The following PDZRN4 variants were observed in gnomAD, a reference collection of about 807,000 sequenced individuals.
The protein encoded by PDZRN4 is PDZ domain containing ring finger 4.
A neutral mutation model predicts 99.0 loss-of-function variants in PDZRN4; 70 were observed. The observed-to-expected ratio is 0.71, with a 90% CI of 0.58 to 0.86. PDZRN4 has a LOEUF of 0.86. Among genes scored for constraint, PDZRN4 ranks in the 40% least tolerant of loss-of-function variants. The pLI is 0.00. For synonymous variants in PDZRN4, 551 were observed against 501.6 expected, an observed-to-expected ratio of 1.10 and a Z score of -1.32; for missense variants, 1,474 against 1,331.2, an observed-to-expected ratio of 1.11 and a Z score of -1.67.
chr12:41,532,237 A>G (rs970279266), intron 5 of PDZRN4, among the ~76,000 whole-genome samples: 1 of 152,180 alleles, frequency 6.6e-6, no homozygotes, highest in Non-Finnish European at 1.5e-5. Flanking sequence ...CTGTATATGT[A>G]TGAGTCCGTT....
chr12:41,397,535 T>C (rs1225051465), intron 3 of PDZRN4, among the ~76,000 whole-genome samples: 2 of 152,202 alleles, frequency 1.3e-5, no homozygotes, highest in African/African-American at 4.8e-5. Context: ...TTTTCCAGTC[T>C]TAATTAGAGT....
chr12:41,212,485 T>C (rs761160423), intron 3 of PDZRN4, among the ~76,000 whole-genome samples: 3 of 152,016 alleles, frequency 2.0e-5, no homozygotes, highest in Non-Finnish European at 4.4e-5. Context: ...AGAATACTTG[T>C]CTGGAATTAA....
chr12:41,557,117 C>T lies in PDZRN4; in HGVS notation c.1365+1357C>T, dbSNP rs981677716. 7.2e-5 allele frequency among the ~76,000 whole-genome samples: 10 copies of T among 139,794 alleles called. No homozygotes were observed. In the East Asian group the frequency reaches 2.1e-3, roughly 30 times the overall value. 91.7% of individuals were successfully genotyped at this position (139,794 alleles called of 152,430 possible). On this transcript the variant is annotated intron_variant, in intron 7 of 9. Transcript: ENST00000402685. ...AGTGAGCCGAGATGCCACCACTGTA[C>T]TCCAGCCTGGATGACAGAGTGAGAC...
rs1286984928 is a variant in PDZRN4 at position 41,572,391 on chromosome 12, A to T, written c.1612A>T (p.Thr538Ser). ...QPKKQEEEEG[T>S]TDTATSSSNN... The stretch of plus-strand genomic sequence containing the variant: ...AAAAAAGCAAGAAGAAGAAGAAGGC[A>T]CAACAGACACTGCAACATCCTCATC... Residue 538 changes from threonine to serine, a missense_variant, in exon 10 of 10, where the codon ACA (threonine) becomes TCA (serine). Thr to Ser is a moderately conservative substitution (Grantham distance 58). Transcript: ENST00000402685. 1.2e-6 allele frequency: 2 copies of T among 1,613,300 alleles called. No homozygotes were observed. Among genetic ancestry groups the T allele is most frequent in the South Asian group, 2.2e-5 (2 of 90,988 alleles).
At position 41,306,508 on chromosome 12, in the gene PDZRN4, G is replaced by A. The variant is rs114237527; in HGVS notation, c.843+112320G>A. On this transcript the variant is annotated intron_variant, in intron 3 of 9. Transcript: ENST00000402685. ...CTTCAGTTCTAGCTGGCAATGTTTC[G>A]ACTGGGGTGGGTGATTCGGTCCATA... Among the ~76,000 whole-genome samples the A allele has an allele frequency of 3.4e-3, 515 of 152,176 alleles. 6 individuals carry two copies. The highest frequency in any genetic ancestry group is 0.011 in the African/African-American group (470 of 41,510).
chr12:41,381,336 C>A (rs947915611), intron 3 of PDZRN4, among the ~76,000 whole-genome samples: 1 of 152,004 alleles, frequency 6.6e-6, no homozygotes, highest in African/African-American at 2.4e-5. Flanking sequence ...CTTTCTCTCT[C>A]TCTCTCTCCC....
intron 5 of PDZRN4, among the ~76,000 whole-genome samples, chr12:41,531,606 C>T (rs899139993): frequency 2.0e-5 from 3 of 152,156 alleles, no homozygotes; most frequent in East Asian, 3.9e-4. Context: ...CTGTTCCCAC[C>T]TAGGTCCGTG....
chr12:41,352,522 C>T (rs1951897699), intron 3 of PDZRN4, among the ~76,000 whole-genome samples: 1 of 151,980 alleles, frequency 6.6e-6, no homozygotes, highest in African/African-American at 2.4e-5. Flanking sequence ...TCTATGTATT[C>T]CAGAACTTCT....
chr12:41,206,160 A>G (rs1309904701), intron 3 of PDZRN4, among the ~76,000 whole-genome samples: 1 of 152,100 alleles, frequency 6.6e-6, no homozygotes, highest in African/African-American at 2.4e-5. Flanking sequence ...TGTTTTGTGG[A>G]CGTATGCATG....
Position 41,189,066 on chromosome 12 carries a change from G to C in PDZRN4, c.611G>C (p.Arg204Pro), listed in dbSNP as rs1274497956. 1.3e-6 allele frequency: 2 copies of C among 1,580,164 alleles called. No individual in the cohort carries two copies. The highest frequency in any genetic ancestry group is 1.3e-5 in the African/African-American group (1 of 74,676). ...TTCACCCAATACATGGCTCACGTCC[G>C]CAACTTCGTCGGCGACCTCGGTGGC... is the stretch of plus-strand genomic sequence containing the variant. ...EKFTQYMAHVRNFVGDLGGGH... is the reference protein window; with the variant it reads ...EKFTQYMAHVPNFVGDLGGGH... The change falls in exon 1 of 10, where the codon CGC (arginine) becomes CCC (proline). Residue 204 changes from arginine to proline, a missense_variant. Coordinates refer to ENST00000402685, the MANE Select transcript of PDZRN4 (RefSeq NM_001164595.2).
At chr12:41,321,278 C>T (rs1204603701) in intron 3 of PDZRN4, among the ~76,000 whole-genome samples, 1 of 152,174 alleles carries the variant, frequency 6.6e-6, no homozygotes, top group African/African-American at 2.4e-5. Context: ...CTGGACCACA[C>T]TGCCTCAATG....
At chr12:41,494,565 C>G (rs1340145501) in intron 3 of PDZRN4, among the ~76,000 whole-genome samples, 1 of 151,342 alleles carries the variant, frequency 6.6e-6, no homozygotes, top group Admixed American at 6.6e-5. Flanking sequence ...GCATCAGTTG[C>G]TATTTTAAAT....
intron 5 of PDZRN4, among the ~76,000 whole-genome samples, chr12:41,547,127 C>A (rs1222702793): frequency 6.6e-6 from 1 of 152,096 alleles, no homozygotes; most frequent in Non-Finnish European, 1.5e-5. Context: ...AAAGTAATTG[C>A]AATTTCCTCA....
At chr12:41,327,997 C>A (rs1431996139) in intron 3 of PDZRN4, among the ~76,000 whole-genome samples, 1 of 151,948 alleles carries the variant, frequency 6.6e-6, no homozygotes, top group African/African-American at 2.4e-5. Context: ...ATTAGCAAAA[C>A]TACACTAATG....
At chr12:41,299,572 C>G (rs1168371221) in intron 3 of PDZRN4, among the ~76,000 whole-genome samples, 1 of 151,934 alleles carries the variant, frequency 6.6e-6, no homozygotes, top group Non-Finnish European at 1.5e-5. Flanking sequence ...TGACACTGTT[C>G]AGAGACAAAA....
At chr12:41,226,144 C>T (rs1337265571) in intron 3 of PDZRN4, among the ~76,000 whole-genome samples, 1 of 151,796 alleles carries the variant, frequency 6.6e-6, no homozygotes, top group Non-Finnish European at 1.5e-5. Context: ...CATATGTTGT[C>T]CTATATGTGT....
chr12:41,286,506 C>G (rs1415666388), intron 3 of PDZRN4, among the ~76,000 whole-genome samples: 1 of 152,066 alleles, frequency 6.6e-6, no homozygotes, highest in Admixed American at 6.6e-5. Context: ...CAACTGGGCA[C>G]ACATTCTAAG....
At chr12:41,444,128 C>T (rs879688271) in intron 3 of PDZRN4, among the ~76,000 whole-genome samples, 5 of 151,952 alleles carry the variant, frequency 3.3e-5, no homozygotes, top group Non-Finnish European at 7.4e-5. Context: ...TAATAAGAAC[C>T]GAGTATCTTT....
Position 41,563,652 on chromosome 12 carries a change from C to G in PDZRN4, c.1467+3C>G. 1 of 1,603,404 alleles carries G rather than the reference C, an allele frequency of 6.2e-7. No homozygotes were observed. Reference sequence around the variant, plus strand: ...TTGTTGCAAGGCCAGAGATTCAGGTCAGAACAGAGATCAAAAGCCTTGAGA... The same window carrying G: ...TTGTTGCAAGGCCAGAGATTCAGGTGAGAACAGAGATCAAAAGCCTTGAGA... On this transcript the variant is annotated splice_donor_region_variant and intron_variant, in intron 8 of 9. Transcript: ENST00000402685.
Sources: allele counts gnomAD v4.1 joint callset (sites outside exome capture counted in the v4.1 genomes callset), GRCh38; gene constraint gnomAD v4.1.1; transcripts MANE v1.5; gene names NCBI Gene and HGNC (gene_info 2026-07-23, HGNC 2026-07-21).